The following SGK3 variants were observed in gnomAD, a reference collection of about 807,000 sequenced individuals.
The protein encoded by SGK3 is serine/threonine-protein kinase Sgk3.
Under a neutral mutation model 68.5 loss-of-function variants are expected in SGK3, and 47 were observed. The observed-to-expected ratio is 0.69, with a 90% confidence interval of 0.54 to 0.87. The LOEUF (loss-of-function observed/expected upper bound fraction) is 0.87, where lower values mean the gene tolerates loss of function less well. SGK3 is among the 40% of genes least tolerant of loss of function. The probability of loss-of-function intolerance (pLI) is 0.00; values close to 1 mark genes in which losing one functional copy is unlikely to be tolerated. For missense variants in SGK3, 479 were observed against 575.5 expected, an observed-to-expected ratio of 0.83 and a Z score of 1.72; for synonymous variants, 181 against 189.1, an observed-to-expected ratio of 0.96 and a Z score of 0.35.
chr8:66,804,122 G>A (rs776319877), intron 3 of SGK3, among the ~76,000 whole-genome samples: 17 of 152,098 alleles, frequency 1.1e-4, no homozygotes, highest in Non-Finnish European at 2.2e-4. Flanking sequence ...TTTATAGGCA[G>A]GAAAATGAGA....
At chr8:66,818,224 C>T (rs1284241890) in intron 5 of SGK3, among the ~76,000 whole-genome samples, 1 of 152,052 alleles carries the variant, frequency 6.6e-6, no homozygotes, top group African/African-American at 2.4e-5. Flanking sequence ...TGATAAAGGA[C>T]GATAGATAAA....
At chr8:66,752,442 A>G (rs1189891175) in intron 1 of SGK3, among the ~76,000 whole-genome samples, 1 of 152,154 alleles carries the variant, frequency 6.6e-6, no homozygotes, top group East Asian at 1.9e-4. Flanking sequence ...GAGAATTATT[A>G]TGTAGGATGA....
chr8:66,815,954 T>G (rs1808556951), intron 5 of SGK3, among the ~76,000 whole-genome samples: 1 of 152,198 alleles, frequency 6.6e-6, no homozygotes, highest in African/African-American at 2.4e-5. Flanking sequence ...ATTCCATTCA[T>G]GATAGAAGAT....
chr8:66,787,336 A>G (rs923681341), intron 1 of SGK3, among the ~76,000 whole-genome samples: 6 of 152,220 alleles, frequency 3.9e-5, no homozygotes, highest in Non-Finnish European at 7.4e-5. Flanking sequence ...AAATTGTTAT[A>G]CTTTAGATCT....
chr8:66,845,393 C>G (rs1398252849), intron 14 of SGK3, among the ~76,000 whole-genome samples: 1 of 150,906 alleles, frequency 6.6e-6, no homozygotes, highest in Non-Finnish European at 1.5e-5. Flanking sequence ...AGCGAGACTC[C>G]GTCTCAAAAA....
intron 5 of SGK3, among the ~76,000 whole-genome samples, chr8:66,816,356 T>G (rs1365910368): frequency 6.5e-4 from 96 of 148,240 alleles, no homozygotes; most frequent in South Asian, 1.5e-3. Context: ...TTTTTTTTTT[T>G]TGTGTGTGAG....
At chr8:66,790,981 G>C (rs761420253) in intron 1 of SGK3, 4 of 152,172 alleles carry the variant, frequency 2.6e-5, no homozygotes, top group Non-Finnish European at 2.9e-5. Context: ...TACATGACAT[G>C]CTCAAAAGTA....
chr8:66,748,284 C>A lies in SGK3; in HGVS notation c.-122+35451C>A, dbSNP rs187421395. Among the ~76,000 whole-genome samples, 506 of 152,192 alleles carry A rather than the reference C, an allele frequency of 3.3e-3. 5 individuals are homozygous for A. Among genetic ancestry groups the A allele is most frequent in the African/African-American group, 0.012 (491 of 41,530 alleles). ...GTTTTGGTAAATTTAAAAAATACTG[C>A]CACTAAAGTAGTATTTATTTATGCT... On this transcript the variant is annotated intron_variant, in intron 1 of 16. Transcript: ENST00000521198.
At chr8:66,829,134 T>G (rs375674258) in intron 7 of SGK3, among the ~76,000 whole-genome samples, 51 of 152,276 alleles carry the variant, frequency 3.3e-4, no homozygotes, top group African/African-American at 1.2e-3. Flanking sequence ...TTAGCCAGCT[T>G]CTTCCAGAGG....
At chr8:66,752,767 G>GT (rs1289903275) in intron 1 of SGK3, among the ~76,000 whole-genome samples, 1 of 152,186 alleles carries the variant, frequency 6.6e-6, no homozygotes, top group Non-Finnish European at 1.5e-5. Flanking sequence ...TAAGCCTGAT[G>GT]TTTTCGGCGA....
intron 1 of SGK3, among the ~76,000 whole-genome samples, chr8:66,777,674 T>C (rs1806765986): frequency 6.6e-6 from 1 of 152,184 alleles, no homozygotes; most frequent in Admixed American, 6.5e-5. Flanking sequence ...CTTACAGCCC[T>C]GCAGTTCCCT....
chr8:66,747,889 G>A (rs746922284), intron 1 of SGK3, among the ~76,000 whole-genome samples: 1 of 152,208 alleles, frequency 6.6e-6, no homozygotes, highest in East Asian at 1.9e-4. Context: ...ATGATGCAAT[G>A]TGCTTTGCTG....
intron 16 of SGK3, among the ~76,000 whole-genome samples, chr8:66,854,425 AG>A (rs1810416589): frequency 2.0e-5 from 3 of 152,268 alleles, no homozygotes; most frequent in South Asian, 4.1e-4. Context: ...CCTGCCCTGA[AG>A]GGGGTAGATG....
intron 16 of SGK3, among the ~76,000 whole-genome samples, chr8:66,856,542 G>C (rs1810516244): frequency 6.6e-6 from 1 of 152,178 alleles, no homozygotes; most frequent in Non-Finnish European, 1.5e-5. Context: ...CTGTCATGTA[G>C]ATGCTCAAAA....
At chr8:66,825,012 T>C (rs1022110655) in intron 6 of SGK3, among the ~76,000 whole-genome samples, 1 of 152,186 alleles carries the variant, frequency 6.6e-6, no homozygotes, top group Admixed American at 6.5e-5. Flanking sequence ...GTTTTTAAAA[T>C]CTATGTAACC....
intron 10 of SGK3, among the ~76,000 whole-genome samples, chr8:66,839,549 A>ATG (rs1809705546): frequency 2.6e-5 from 2 of 77,966 alleles, no homozygotes; most frequent in Non-Finnish European, 4.8e-5. Flanking sequence ...ATATATATAT[A>ATG]TATATATATT....
intron 10 of SGK3, 50 bp downstream of exon 10, chr8:66,836,124 T>A: frequency 6.4e-7 from 1 of 1,566,270 alleles, no homozygotes. Flanking sequence ...AAAAATAGCA[T>A]AAAGTCAAAG....
At chr8:66,831,353 G>GT (rs746253563) in intron 8 of SGK3, 42 bp downstream of exon 8, 55,503 of 1,164,928 alleles carry the variant, frequency 0.048, no homozygotes, top group South Asian at 0.066. Context: ...TTTGGTTTTG[G>GT]TTTTTTTTTT....
chr8:66,853,137 A>G (rs1350769407), intron 16 of SGK3, among the ~76,000 whole-genome samples: 1 of 152,234 alleles, frequency 6.6e-6, no homozygotes, highest in African/African-American at 2.4e-5. Flanking sequence ...TTAATTAATA[A>G]TACCTTTTTT....
Sources: allele counts gnomAD v4.1 joint callset (sites outside exome capture counted in the v4.1 genomes callset), GRCh38; gene constraint gnomAD v4.1.1; transcripts MANE v1.5; gene names NCBI Gene and HGNC (gene_info 2026-07-23, HGNC 2026-07-21).